The following GPC6 variants were observed in gnomAD, a reference collection of about 807,000 sequenced individuals.
GPC6 encodes the protein glypican-6.
In GPC6, 14 loss-of-function variants were observed where a neutral mutation model predicts 55.2. The ratio of observed to expected loss-of-function variants is 0.25; its 90% confidence interval spans 0.17 to 0.40. The LOEUF is 0.40. GPC6 is among the 10% of genes least tolerant of loss of function. GPC6 has a pLI of 1.00. For synonymous variants in GPC6, 278 were observed against 259.6 expected, an observed-to-expected ratio of 1.07 and a Z score of -0.68; for missense variants, 641 against 708.5, an observed-to-expected ratio of 0.90 and a Z score of 1.08.
chr13:93,692,493 A>G (rs1177583749), intron 2 of GPC6, among the ~76,000 whole-genome samples: 1 of 152,092 alleles, frequency 6.6e-6, no homozygotes, highest in Non-Finnish European at 1.5e-5. Context: ...GCAGTCTCTT[A>G]TATTTGATAA....
intron 3 of GPC6, among the ~76,000 whole-genome samples, chr13:93,861,060 A>ACC (rs939114112): frequency 1.3e-5 from 2 of 151,318 alleles, no homozygotes; most frequent in African/African-American, 4.8e-5. Context: ...TACTAATACT[A>ACC]CCTTACAGGA....
At chr13:93,544,502 A>G (rs879274868) in intron 1 of GPC6, among the ~76,000 whole-genome samples, 6 of 152,174 alleles carry the variant, frequency 3.9e-5, no homozygotes, top group African/African-American at 9.6e-5. Context: ...AGCTGCTTCA[A>G]TTGGAAATTC....
At chr13:93,858,506 G>A (rs1399473879) in intron 3 of GPC6, among the ~76,000 whole-genome samples, 6 of 151,534 alleles carry the variant, frequency 4.0e-5, no homozygotes, top group Admixed American at 4.0e-4. Context: ...ATGTAGGGAA[G>A]AGTAGAGATC....
intron 1 of GPC6, among the ~76,000 whole-genome samples, chr13:93,252,896 C>G (rs967121574): frequency 6.6e-6 from 1 of 152,058 alleles, no homozygotes; most frequent in Non-Finnish European, 1.5e-5. Context: ...GTAGAGACAC[C>G]CTTATATTTT....
intron 4 of GPC6, among the ~76,000 whole-genome samples, chr13:94,105,101 TC>T (rs1175992841): frequency 4.2e-4 from 64 of 152,192 alleles, no homozygotes; most frequent in African/African-American, 1.4e-3. Flanking sequence ...AAGCACATAA[TC>T]CCAGTACTGT....
At chr13:93,858,155 T>A (rs1365999787) in intron 3 of GPC6, among the ~76,000 whole-genome samples, 1 of 151,616 alleles carries the variant, frequency 6.6e-6, no homozygotes, top group Non-Finnish European at 1.5e-5. Flanking sequence ...GCTATTGATA[T>A]TTTTCAGTGC....
At chr13:93,741,773 G>A (rs917686965) in intron 2 of GPC6, among the ~76,000 whole-genome samples, 1 of 152,048 alleles carries the variant, frequency 6.6e-6, no homozygotes, top group East Asian at 1.9e-4. Context: ...TACTTAAATA[G>A]TGTTAGCATG....
At chr13:94,043,522 A>G (rs1338273271) in intron 4 of GPC6, among the ~76,000 whole-genome samples, 1 of 151,856 alleles carries the variant, frequency 6.6e-6, no homozygotes, top group Non-Finnish European at 1.5e-5. Context: ...CATTGCTATA[A>G]TACTATTAAC....
chr13:94,244,338 G>A (rs1014919911), intron 4 of GPC6, among the ~76,000 whole-genome samples: 9 of 152,126 alleles, frequency 5.9e-5, no homozygotes, highest in Non-Finnish European at 8.8e-5. Flanking sequence ...ATTGTCACTG[G>A]TTGGCTCCTG....
intron 4 of GPC6, among the ~76,000 whole-genome samples, chr13:94,084,545 G>A (rs757819460): frequency 6.6e-5 from 10 of 152,060 alleles, no homozygotes; most frequent in Non-Finnish European, 1.5e-4. Flanking sequence ...GAATTCAAAT[G>A]TCAGTTAAAT....
chr13:93,651,702 G>C (rs1168102691), intron 2 of GPC6, among the ~76,000 whole-genome samples: 2 of 152,238 alleles, frequency 1.3e-5, no homozygotes, highest in Non-Finnish European at 2.9e-5. Flanking sequence ...GGAAGCCTGG[G>C]TCTCCAGGCT....
intron 3 of GPC6, among the ~76,000 whole-genome samples, chr13:93,985,919 CTCTATG>C (rs1206595591): frequency 6.6e-6 from 1 of 152,030 alleles, no homozygotes; most frequent in African/African-American, 2.4e-5. Flanking sequence ...ACAACCGGTT[CTCTATG>C]TCTCAGTTAC....
At chr13:93,678,383 T>C (rs772214771) in intron 2 of GPC6, among the ~76,000 whole-genome samples, 4 of 152,190 alleles carry the variant, frequency 2.6e-5, no homozygotes, top group African/African-American at 4.8e-5. Flanking sequence ...ATACACAATG[T>C]TGTATGTGAG....
At chr13:93,308,649 T>G (rs1878958032) in intron 1 of GPC6, among the ~76,000 whole-genome samples, 1 of 151,992 alleles carries the variant, frequency 6.6e-6, no homozygotes, top group African/African-American at 2.4e-5. Context: ...GCCATGTTGG[T>G]CAGGCTGGTC....
At chr13:93,965,874 A>G (rs979635989) in intron 3 of GPC6, among the ~76,000 whole-genome samples, 2 of 152,186 alleles carry the variant, frequency 1.3e-5, no homozygotes, top group African/African-American at 4.8e-5. Flanking sequence ...TGCAGCCACT[A>G]CGTTTTGTGA....
Position 93,227,357 on chromosome 13 carries a change from G to A in GPC6, c.-100G>A, listed in dbSNP as rs535904928. 7.4e-5 allele frequency: 91 copies of A among 1,223,404 alleles called. 1 individual carries two copies. Among genetic ancestry groups the A allele is most frequent in the Admixed American group, 4.3e-4 (21 of 49,222 alleles). The allele number at this position is 1,223,404 out of a possible 1,614,324, so 75.8% of individuals were successfully genotyped here. A position where few individuals can be genotyped will look rare whatever the true frequency, so the allele number is the denominator to read the frequency against. ...GAAGGGGGTGACGCTGGGCAGCGGC[G>A]AGGAGCGCGCCGCTGCCTCTGGCGG... is the stretch of plus-strand genomic sequence containing the variant. On this transcript the variant is annotated 5_prime_UTR_variant, in exon 1 of 9. Transcript: ENST00000377047. The surrounding 1 kb of genome is among the most constrained non-coding windows in gnomAD (Gnocchi z 4.3).
intron 6 of GPC6, among the ~76,000 whole-genome samples, chr13:94,335,880 G>A (rs948520884): frequency 1.3e-5 from 2 of 148,244 alleles, no homozygotes; most frequent in Non-Finnish European, 3.0e-5. Flanking sequence ...GAAAGACCCT[G>A]CTCTCTTCAC....
intron 4 of GPC6, among the ~76,000 whole-genome samples, chr13:94,157,793 G>T (rs1445117365): frequency 6.6e-6 from 1 of 152,142 alleles, no homozygotes; most frequent in Admixed American, 6.6e-5. Flanking sequence ...TAGGCAGTAG[G>T]TATCACGTCA....
chr13:94,262,674 GAAAAAA>G (rs60528347), intron 4 of GPC6, among the ~76,000 whole-genome samples: 7 of 84,216 alleles, frequency 8.3e-5, no homozygotes, highest in African/African-American at 1.5e-4. Context: ...CTCCGTCTCA[GAAAAAA>G]AAAAAAAAAA....
Sources: gnomAD v4.1 joint callset for allele counts (sites outside exome capture counted in the v4.1 genomes callset) on GRCh38, gnomAD v4.1.1 for gene constraint, Gnocchi (gnomAD v3.1) non-coding constraint, MANE v1.5 for transcripts, NCBI Gene and HGNC (gene_info 2026-07-23, HGNC 2026-07-21) for gene names.